ARMH3: variants seen among roughly 807,000 people sequenced by gnomAD.
ARMH3 encodes the protein armadillo-like helical domain-containing protein 3.
ARMH3 carries 60 observed loss-of-function variants against 99.1 expected under a neutral mutation model. The ratio of observed to expected loss-of-function variants is 0.61; its 90% CI spans 0.49 to 0.75. The LOEUF is 0.75. Among genes scored for constraint, ARMH3 ranks in the 30% least tolerant of loss-of-function variants. The pLI is 0.00. For synonymous variants in ARMH3, 285 were observed against 292.8 expected (o/e 0.97, Z 0.27); for missense variants, 679 against 843.1 (o/e 0.81, Z 2.41).
chr10:101,990,376 G>C (rs1458182572), intron 19 of ARMH3, among the ~76,000 whole-genome samples, 175 bp downstream of exon 19: 1 of 151,772 alleles, frequency 6.6e-6, no homozygotes, highest in African/African-American at 2.4e-5. Flanking sequence ...GTAGAGACGG[G>C]GTTTCACCGT....
At chr10:102,043,748 A>AAT (rs914254395) in intron 1 of ARMH3, among the ~76,000 whole-genome samples, 46 of 152,226 alleles carry the variant, frequency 3.0e-4, no homozygotes, top group African/African-American at 1.1e-3. Flanking sequence ...AAATTATAAA[A>AAT]AAGAATCAGG....
intron 17 of ARMH3, among the ~76,000 whole-genome samples, chr10:101,993,045 C>G (rs1490856520): frequency 1.3e-5 from 2 of 151,974 alleles, no homozygotes; most frequent in African/African-American, 4.8e-5. Context: ...CCAAGGCGGG[C>G]AGATCATCTG....
At chr10:102,040,148 T>C (rs773996815) in intron 1 of ARMH3, 23 bp from the exon 2 acceptor site, 6 of 1,573,460 alleles carry the variant, frequency 3.8e-6, no homozygotes, top group Middle Eastern at 1.7e-4. Flanking sequence ...AGTCACATTT[T>C]AGAATAGTGA....
intron 23 of ARMH3, among the ~76,000 whole-genome samples, chr10:101,899,029 A>G (rs1379223372): frequency 1.3e-5 from 2 of 152,354 alleles, no homozygotes; most frequent in East Asian, 3.9e-4. Flanking sequence ...CATACAGAAA[A>G]CAGCAAGGCT....
At chr10:102,055,105 T>A (rs370750460) in intron 1 of ARMH3, among the ~76,000 whole-genome samples, 1 of 150,944 alleles carries the variant, frequency 6.6e-6, no homozygotes. Flanking sequence ...GCGGATCACC[T>A]GAGGTTGGGA....
chr10:101,901,324 C>T (rs1444119398), intron 23 of ARMH3, among the ~76,000 whole-genome samples: 2 of 151,592 alleles, frequency 1.3e-5, no homozygotes, highest in African/African-American at 2.4e-5. Flanking sequence ...AATTAAAAGA[C>T]ACGGAAACAG....
At position 102,030,575 on chromosome 10, in the gene ARMH3, A is replaced by G. The variant is rs534958442; in HGVS notation, c.307-830T>C. Among the ~76,000 whole-genome samples, 17 of 152,152 alleles carry G rather than the reference A, an allele frequency of 1.1e-4. 2 individuals are homozygous for G. In the South Asian group the frequency reaches 3.3e-3, roughly 30 times the overall value. On this transcript the variant is annotated intron_variant, in intron 4 of 25. Transcript: ENST00000370033. Reference sequence around the variant, plus strand: ...AATACAAAAAATTAGCCAAGTGTGGAGGCAGATGCCTGTAATCCCAGCTAT... The same window carrying G: ...AATACAAAAAATTAGCCAAGTGTGGGGGCAGATGCCTGTAATCCCAGCTAT...
intron 16 of ARMH3, among the ~76,000 whole-genome samples, chr10:101,994,554 A>G (rs1390187993): frequency 6.6e-6 from 1 of 152,200 alleles, no homozygotes; most frequent in African/African-American, 2.4e-5. Context: ...ACCAAGATAC[A>G]TGGTGAGTTT....
intron 11 of ARMH3, among the ~76,000 whole-genome samples, chr10:102,011,422 AAATT>A (rs927729003): frequency 1.4e-4 from 22 of 152,098 alleles, no homozygotes; most frequent in African/African-American, 3.9e-4. Context: ...AGCCTTTAAA[AAATT>A]AATTAATTAA....
At chr10:101,925,408 G>A (rs1843470867) in intron 23 of ARMH3, among the ~76,000 whole-genome samples, 1 of 152,226 alleles carries the variant, frequency 6.6e-6, no homozygotes, top group Non-Finnish European at 1.5e-5. Context: ...GACAATCATA[G>A]TATGTCAGAG....
At chr10:102,050,632 T>C (rs1276903791) in intron 1 of ARMH3, among the ~76,000 whole-genome samples, 2 of 151,918 alleles carry the variant, frequency 1.3e-5, no homozygotes, top group East Asian at 3.9e-4. Flanking sequence ...CCGAGGCAGG[T>C]GGATCACTTG....
At chr10:101,883,833 A>G (rs1564718283) in intron 24 of ARMH3, among the ~76,000 whole-genome samples, 1 of 151,974 alleles carries the variant, frequency 6.6e-6, no homozygotes, top group Non-Finnish European at 1.5e-5. Context: ...CTCTACAAAA[A>G]ATTTAAAAAA....
At chr10:101,860,263 T>A (rs1038394214) in intron 24 of ARMH3, among the ~76,000 whole-genome samples, 2 of 152,094 alleles carry the variant, frequency 1.3e-5, no homozygotes, top group Non-Finnish European at 1.5e-5. Flanking sequence ...GATATAGATA[T>A]ATAGATATAG....
chr10:101,853,897 G>A (rs574812956), intron 24 of ARMH3, among the ~76,000 whole-genome samples: 9 of 152,274 alleles, frequency 5.9e-5, no homozygotes, highest in East Asian at 1.9e-4. Flanking sequence ...GATGGATCGC[G>A]AGGTTAAGAG....
intron 22 of ARMH3, among the ~76,000 whole-genome samples, chr10:101,949,843 T>C (rs994361141): frequency 3.3e-5 from 5 of 152,158 alleles, no homozygotes; most frequent in Non-Finnish European, 5.9e-5. Context: ...AATGATGTTA[T>C]AATCATGTGG....
chr10:102,021,990 T>C (rs999884309), intron 8 of ARMH3, among the ~76,000 whole-genome samples: 8 of 152,168 alleles, frequency 5.3e-5, no homozygotes, highest in Non-Finnish European at 1.0e-4. Flanking sequence ...ATGCCCAGCC[T>C]AGATATGCTT....
chr10:101,881,660 G>A (rs1339520772), intron 24 of ARMH3, among the ~76,000 whole-genome samples: 1 of 152,080 alleles, frequency 6.6e-6, no homozygotes, highest in Non-Finnish European at 1.5e-5. Flanking sequence ...CTTGTGAATT[G>A]AACCAAAGGC....
intron 23 of ARMH3, among the ~76,000 whole-genome samples, chr10:101,937,245 T>C (rs562112541): frequency 5.9e-4 from 90 of 152,264 alleles, no homozygotes; most frequent in Non-Finnish European, 9.4e-4. Context: ...AGGCTGGGCA[T>C]GGTGGCTCAT....
chr10:101,898,128 C>A (rs189694416), intron 23 of ARMH3, among the ~76,000 whole-genome samples: 1 of 152,102 alleles, frequency 6.6e-6, no homozygotes. Flanking sequence ...CCCTGTAATT[C>A]CAGCACTTTG....
Sources: allele counts gnomAD v4.1 joint callset (sites outside exome capture counted in the v4.1 genomes callset), GRCh38; gene constraint gnomAD v4.1.1; transcripts MANE v1.5; gene names NCBI Gene and HGNC (gene_info 2026-07-23, HGNC 2026-07-21).